Variants in COL4A1 observed in about 807,000 individuals in gnomAD.
COL4A1 encodes the protein collagen type IV alpha 1 chain.
A neutral mutation model predicts 216.6 loss-of-function variants in COL4A1; 40 were observed. The ratio of observed to expected loss-of-function variants is 0.18; its 90% CI spans 0.14 to 0.24. The LOEUF is 0.24. Ranked by LOEUF, COL4A1 falls within the 10% of genes least tolerant of loss-of-function variation. The pLI, the probability that COL4A1 is intolerant of heterozygous loss-of-function variation, is 1.00. For missense variants in COL4A1, 1,628 were observed against 2,196.8 expected (o/e 0.74, Z 5.18); for synonymous variants, 839 against 810.7 (o/e 1.03, Z -0.59).
At chr13:110,181,671 A>G (rs934973992) in intron 28 of COL4A1, among the ~76,000 whole-genome samples, 5 of 151,950 alleles carry the variant, frequency 3.3e-5, no homozygotes, top group African/African-American at 1.2e-4. Flanking sequence ...TACTCTCCCC[A>G]AACAAAACAA....
rs77622402 is a variant in COL4A1, at chr13:110,209,458, A to G, written c.616-31T>C. 3.5e-3 allele frequency: 5,333 copies of G among 1,517,238 alleles called. 145 individuals are homozygous for G. The South Asian group carries it at 0.045, about 13-fold the overall frequency. The allele number at this position is 1,517,238 out of a possible 1,614,324, so 94.0% of individuals were successfully genotyped here. On this transcript the variant is annotated intron_variant, in intron 10 of 51. Transcript: ENST00000375820. ...AGAGACAGCATTTTAATTAAATAGG[A>G]TTCAGAACTCTAGGGAGCTTTAAGC...
At chr13:110,297,975 C>T (rs1315459020) in intron 1 of COL4A1, among the ~76,000 whole-genome samples, 3 of 150,684 alleles carry the variant, frequency 2.0e-5, no homozygotes, top group Admixed American at 6.6e-5. Flanking sequence ...ATTGGCTTCT[C>T]GCCTAGGACA....
chr13:110,169,848 C>T (rs1394753557), intron 42 of COL4A1, 86 bp from the exon 43 acceptor site: 9 of 1,478,086 alleles, frequency 6.1e-6, no homozygotes, highest in Admixed American at 3.6e-5. Context: ...CTGCCACCCA[C>T]GGCCCCTCAC....
intron 21 of COL4A1, among the ~76,000 whole-genome samples, chr13:110,197,713 C>T (rs1234804684): frequency 6.6e-6 from 1 of 152,178 alleles, no homozygotes; most frequent in East Asian, 1.9e-4. Flanking sequence ...AACTCCCTTT[C>T]GTAAAGATTT....
At chr13:110,164,437 G>A (rs969948643) in intron 46 of COL4A1, among the ~76,000 whole-genome samples, 4 of 152,202 alleles carry the variant, frequency 2.6e-5, no homozygotes, top group Admixed American at 2.0e-4. Flanking sequence ...GACTATGTTA[G>A]GGTTTCAGGA....
chr13:110,285,870 T>C (rs1566444325), intron 1 of COL4A1, among the ~76,000 whole-genome samples: 1 of 152,194 alleles, frequency 6.6e-6, no homozygotes. Context: ...TAAATCCTTA[T>C]ATCTCTATAA....
At chr13:110,255,885 GGGGGAAGGCAGGAAGGGA>G (rs1566421376) in intron 1 of COL4A1, among the ~76,000 whole-genome samples, 2 of 38,022 alleles carry the variant, frequency 5.3e-5, no homozygotes, top group African/African-American at 7.5e-5. Flanking sequence ...CAGGAAGGGA[GGGGGAAGGCAGGAAGGGA>G]GGGGGAAGGC....
At chr13:110,196,351 A>G (rs1878888636) in intron 21 of COL4A1, among the ~76,000 whole-genome samples, 1 of 152,222 alleles carries the variant, frequency 6.6e-6, no homozygotes, top group Admixed American at 6.5e-5. Flanking sequence ...AGCTGGCACC[A>G]TCGTCTTAAA....
chr13:110,235,523 T>C (rs983433662), intron 2 of COL4A1, among the ~76,000 whole-genome samples: 15 of 151,654 alleles, frequency 9.9e-5, no homozygotes, highest in South Asian at 2.1e-4. Context: ...TGGTGGCGGG[T>C]GCCTGTAGTC....
At chr13:110,198,079 GT>G (rs1352290436) in intron 21 of COL4A1, among the ~76,000 whole-genome samples, 22 of 45,938 alleles carry the variant, frequency 4.8e-4, no homozygotes, top group African/African-American at 2.5e-3. Flanking sequence ...TGTTTCTGGG[GT>G]GTGTGTGTGT....
chr13:110,306,296 A>G (rs1884703169), intron 1 of COL4A1, among the ~76,000 whole-genome samples: 1 of 152,236 alleles, frequency 6.6e-6, no homozygotes, highest in South Asian at 2.1e-4. Context: ...TTTTTAAAAT[A>G]TATATTAATA....
intron 2 of COL4A1, among the ~76,000 whole-genome samples, chr13:110,219,595 C>T (rs1394480230): frequency 6.7e-6 from 1 of 150,116 alleles, no homozygotes; most frequent in Non-Finnish European, 1.5e-5. Flanking sequence ...CACATACAGA[C>T]GCACCTCAGC....
At chr13:110,154,897 A>G (rs1876704480) in intron 50 of COL4A1, among the ~76,000 whole-genome samples, 1 of 152,274 alleles carries the variant, frequency 6.6e-6, no homozygotes, top group African/African-American at 2.4e-5. Context: ...GAAGCTGCTC[A>G]TATAGGGAAG....
intron 2 of COL4A1, among the ~76,000 whole-genome samples, chr13:110,227,236 C>A (rs1880773262): frequency 6.6e-6 from 1 of 151,950 alleles, no homozygotes; most frequent in Non-Finnish European, 1.5e-5. Context: ...GGAAACAGAC[C>A]AACTGGGTTA....
At position 110,192,244 on chromosome 13, in the gene COL4A1, C is replaced by A. The variant is rs754684443; in HGVS notation, c.1506G>T (p.Leu502Phe). ...CTCCTGCAACACCATCTCTGCCAGGCAAACCTCTGTCGCCCTTGGCCCCTG... is the reference window on the plus strand; with the variant it reads ...CTCCTGCAACACCATCTCTGCCAGGAAAACCTCTGTCGCCCTTGGCCCCTG... ...GQPGAKGDRGLPGRDGVAGVP... is the reference protein window; with the variant it reads ...GQPGAKGDRGFPGRDGVAGVP... Residue 502 changes from leucine to phenylalanine, a missense_variant, in exon 24 of 52, where the codon TTG becomes TTT. This residue lies in a region of COL4A1 where 701 missense variants were observed against 892.5 expected (regional missense o/e 0.79). Coordinates refer to ENST00000375820, the MANE Select transcript of COL4A1 (RefSeq NM_001845.6). The A allele has an allele frequency of 1.9e-6, 3 of 1,614,058 alleles. No homozygotes were observed.
At position 110,174,646 on chromosome 13, in the gene COL4A1, G is replaced by A; in HGVS notation, c.3302C>T (p.Ser1101Phe). The part of the protein sequence containing the change: ...GMPGSPGLKG[S>F]PGSVGYPGSP... ...ACCTGGATAGCCAACACTCCCGGGA[G>A]ACCCTTTAAGGCCTGGGGACCCTGG... is the stretch of plus-strand genomic sequence containing the variant. The change falls in exon 38 of 52, where the codon TCT becomes TTT. Residue 1101 changes from serine to phenylalanine, a missense_variant. Ser to Phe is a radical substitution (Grantham distance 155). Coordinates refer to ENST00000375820, the MANE Select transcript of COL4A1 (RefSeq NM_001845.6). 4 of 1,614,126 alleles carry A rather than the reference G, an allele frequency of 2.5e-6. No homozygotes were observed. The highest frequency in any genetic ancestry group is 3.4e-6 in the Non-Finnish European group (4 of 1,180,018).
At chr13:110,178,286 A>G in intron 31 of COL4A1, 55 bp from the exon 32 acceptor site, 2 of 1,605,748 alleles carry the variant, frequency 1.2e-6, no homozygotes, top group East Asian at 2.2e-5. Context: ...AATGATCTAC[A>G]ATGTACAGTG....
At chr13:110,229,090 G>A (rs947022559) in intron 2 of COL4A1, among the ~76,000 whole-genome samples, 9 of 152,192 alleles carry the variant, frequency 5.9e-5, no homozygotes, top group Non-Finnish European at 1.2e-4. Context: ...CAGAGTCACC[G>A]CTCCCCTTTC....
intron 26 of COL4A1, among the ~76,000 whole-genome samples, chr13:110,184,841 G>A (rs1878331882): frequency 6.6e-6 from 1 of 152,170 alleles, no homozygotes; most frequent in South Asian, 2.1e-4. Context: ...CTCCCAAGTA[G>A]CTGGGATTAC....
Sources: gnomAD v4.1 joint callset for allele counts (sites outside exome capture counted in the v4.1 genomes callset) on GRCh38, gnomAD v4.1.1 for gene constraint, gnomAD v4.1.1 regional missense constraint, MANE v1.5 for transcripts, NCBI Gene and HGNC (gene_info 2026-07-23, HGNC 2026-07-21) for gene names.